The following SAMD4A variants were observed in gnomAD, a reference collection of about 807,000 sequenced individuals.
SAMD4A encodes the protein sterile alpha motif domain containing 4A.
SAMD4A carries 33 observed loss-of-function variants against 81.3 expected under a neutral mutation model. That is an observed-to-expected ratio of 0.41 (90% CI 0.31 to 0.54). SAMD4A has a LOEUF of 0.54. Among genes scored for constraint, SAMD4A ranks in the 20% least tolerant of loss-of-function variants. The pLI is 0.37. For missense variants in SAMD4A, 854 were observed against 951.1 expected, an observed-to-expected ratio of 0.90 and a Z score of 1.34; for synonymous variants, 389 against 382.1, an observed-to-expected ratio of 1.02 and a Z score of -0.21.
At chr14:54,709,569 A>G (rs551284919) in intron 3 of SAMD4A, among the ~76,000 whole-genome samples, 1 of 152,264 alleles carries the variant, frequency 6.6e-6, no homozygotes, top group Admixed American at 6.5e-5. Flanking sequence ...ATGACATCAG[A>G]GCACTTCAAA....
intron 4 of SAMD4A, among the ~76,000 whole-genome samples, chr14:54,738,411 C>T (rs1159665622): frequency 6.6e-6 from 1 of 152,212 alleles, no homozygotes; most frequent in East Asian, 1.9e-4. Context: ...CTGGCACATT[C>T]CTTGAATCTT....
At position 54,695,531 on chromosome 14, in the gene SAMD4A, C is replaced by T. The variant is rs555267669; in HGVS notation, c.197-6531C>T. Among the ~76,000 whole-genome samples the T allele has an allele frequency of 2.0e-5, 3 of 152,322 alleles. No homozygotes were observed. The South Asian group carries it at 6.2e-4, about 32-fold the overall frequency. The stretch of plus-strand genomic sequence containing the variant: ...TTTATGACCTAAGGTCAGAACGCCT[C>T]CACTGCACACTCTTGGTCACATAGA... On this transcript the variant is annotated intron_variant, in intron 2 of 12. Transcript: ENST00000554335.
intron 9 of SAMD4A, among the ~76,000 whole-genome samples, chr14:54,773,851 CTG>C (rs1433462447): frequency 6.6e-6 from 1 of 152,264 alleles, no homozygotes; most frequent in Non-Finnish European, 1.5e-5. Flanking sequence ...ACTGCATTCA[CTG>C]TGCAGAAACT....
chr14:54,653,845 C>T (rs1417004940), intron 2 of SAMD4A, among the ~76,000 whole-genome samples: 2 of 152,192 alleles, frequency 1.3e-5, no homozygotes, highest in African/African-American at 4.8e-5. Flanking sequence ...CCATCTTCCC[C>T]TTCCCACTAT....
At chr14:54,608,390 T>C (rs1594727888) in intron 2 of SAMD4A, among the ~76,000 whole-genome samples, 1 of 152,362 alleles carries the variant, frequency 6.6e-6, no homozygotes, top group Non-Finnish European at 1.5e-5. Flanking sequence ...TAACAATTAC[T>C]TTTTGTTATA....
chr14:54,664,077 A>C (rs1362162225), intron 2 of SAMD4A, among the ~76,000 whole-genome samples: 1 of 152,236 alleles, frequency 6.6e-6, no homozygotes, highest in East Asian at 1.9e-4. Flanking sequence ...AAATAAATTG[A>C]GGCCAAATTA....
intron 3 of SAMD4A, among the ~76,000 whole-genome samples, chr14:54,723,458 C>A (rs746046094): frequency 1.2e-4 from 18 of 152,128 alleles, no homozygotes; most frequent in Non-Finnish European, 2.4e-4. Context: ...TCATATAGAT[C>A]CCCTGATACT....
At chr14:54,616,739 G>A (rs997855068) in intron 2 of SAMD4A, among the ~76,000 whole-genome samples, 1 of 152,028 alleles carries the variant, frequency 6.6e-6, no homozygotes, top group Non-Finnish European at 1.5e-5. Context: ...TAATTATTTT[G>A]TTTGGACAAT....
intron 2 of SAMD4A, among the ~76,000 whole-genome samples, chr14:54,684,113 C>T (rs966504162): frequency 1.3e-5 from 2 of 152,196 alleles, no homozygotes; most frequent in South Asian, 2.1e-4. Flanking sequence ...CTGTCCCAGG[C>T]ATAAATTGCT....
rs376046995 is a variant in SAMD4A at position 54,682,726 on chromosome 14, G to A, written c.197-19336G>A. ...CAAAACAGTAAAAAGATAATGCAGT[G>A]GAAGATGAACATGTACCAAATTAAA... is the stretch of plus-strand genomic sequence containing the variant. On this transcript the variant is annotated intron_variant, in intron 2 of 12. Transcript: ENST00000554335. 7.9e-5 allele frequency among the ~76,000 whole-genome samples: 12 copies of A among 152,280 alleles called. 1 individual carries two copies. The highest frequency in any genetic ancestry group is 2.4e-4 in the African/African-American group (10 of 41,548).
intron 6 of SAMD4A, among the ~76,000 whole-genome samples, chr14:54,758,644 A>T (rs2139851646): frequency 6.6e-6 from 1 of 152,332 alleles, no homozygotes; most frequent in Non-Finnish European, 1.5e-5. Context: ...GGCCTGGCCA[A>T]CATGGTGAAA....
intron 11 of SAMD4A, among the ~76,000 whole-genome samples, chr14:54,783,975 G>A (rs1191018166): frequency 6.6e-6 from 1 of 152,212 alleles, no homozygotes; most frequent in African/African-American, 2.4e-5. Flanking sequence ...ACAGCTGTGG[G>A]CGAAGGCTAT....
chr14:54,648,427 C>G (rs1429253219), intron 2 of SAMD4A, among the ~76,000 whole-genome samples: 2 of 152,158 alleles, frequency 1.3e-5, no homozygotes, highest in East Asian at 3.8e-4. Context: ...GGGAACAGCT[C>G]CTTTTTGCAT....
In SAMD4A at chr14:54,771,184, T is replaced by C. The variant is rs545796094; in HGVS notation, c.1715+962T>C. On this transcript the variant is annotated intron_variant, in intron 9 of 12. Coordinates refer to ENST00000554335, the MANE Select transcript of SAMD4A (RefSeq NM_015589.6). Reference sequence around the variant, plus strand: ...AAAAGACTTCATGAAAGATTAATTTTAACACTGAAGTGTGATCACATTCCA... The same window carrying C: ...AAAAGACTTCATGAAAGATTAATTTCAACACTGAAGTGTGATCACATTCCA... 7.2e-5 allele frequency among the ~76,000 whole-genome samples: 11 copies of C among 152,248 alleles called. 1 individual carries two copies. The highest frequency in any genetic ancestry group is 2.4e-4 in the African/African-American group (10 of 41,476).
intron 4 of SAMD4A, among the ~76,000 whole-genome samples, 170 bp downstream of exon 4, chr14:54,737,457 C>A (rs1287558783): frequency 6.6e-6 from 1 of 151,878 alleles, no homozygotes; most frequent in Non-Finnish European, 1.5e-5. Context: ...GCAGAAAGGG[C>A]TCAGATTCCC....
intron 2 of SAMD4A, among the ~76,000 whole-genome samples, chr14:54,619,028 C>T (rs1391453407): frequency 1.3e-5 from 2 of 152,002 alleles, no homozygotes; most frequent in African/African-American, 4.8e-5. Flanking sequence ...ATATATGTCC[C>T]TTTAAAAATG....
intron 3 of SAMD4A, among the ~76,000 whole-genome samples, chr14:54,723,103 G>A (rs1477001853): frequency 2.7e-5 from 4 of 150,586 alleles, no homozygotes; most frequent in African/African-American, 7.4e-5. Flanking sequence ...TTTTTAAATA[G>A]AAAAAAAAAA....
chr14:54,756,643 C>T (rs1014202578), intron 6 of SAMD4A, among the ~76,000 whole-genome samples: 1 of 152,172 alleles, frequency 6.6e-6, no homozygotes. Context: ...TACAGGAGTC[C>T]TGTCTATTAT....
intron 2 of SAMD4A, among the ~76,000 whole-genome samples, chr14:54,697,457 C>G (rs1296039846): frequency 3.3e-5 from 5 of 152,204 alleles, no homozygotes; most frequent in Admixed American, 3.3e-4. Context: ...CCTCAAGTCT[C>G]TATGATCAGT....
Sources: gnomAD v4.1 joint callset for allele counts (sites outside exome capture counted in the v4.1 genomes callset) on GRCh38, gnomAD v4.1.1 for gene constraint, MANE v1.5 for transcripts, NCBI Gene and HGNC (gene_info 2026-07-23, HGNC 2026-07-21) for gene names.